The following FSTL4 variants were observed in gnomAD, a reference collection of about 807,000 sequenced individuals.
FSTL4 encodes the protein follistatin-related protein 4.
In FSTL4, 28 loss-of-function variants were observed where a neutral mutation model predicts 78.2. The ratio of observed to expected loss-of-function variants is 0.36; its 90% CI spans 0.27 to 0.49. The LOEUF (loss-of-function observed/expected upper bound fraction) is 0.49, where lower values mean the gene tolerates loss of function less well. Among genes scored for constraint, FSTL4 ranks in the 20% least tolerant of loss-of-function variants. The probability of loss-of-function intolerance (pLI) is 0.98; values close to 1 mark genes in which losing one functional copy is unlikely to be tolerated. For missense variants in FSTL4, 922 were observed against 1,084.9 expected (o/e 0.85, Z 2.11); for synonymous variants, 422 against 440.5 (o/e 0.96, Z 0.53).
chr5:133,797,157 G>C, the FSTL4 span, among the ~76,000 whole-genome samples: 1 of 152,230 alleles, frequency 6.6e-6, no homozygotes, highest in Admixed American at 6.5e-5. Context: ...TCAGATTCCA[G>C]TTTGGTTTTA....
chr5:133,230,528 G>A (rs529201609), intron 8 of FSTL4, among the ~76,000 whole-genome samples: 1 of 152,300 alleles, frequency 6.6e-6, no homozygotes, highest in South Asian at 2.1e-4. Flanking sequence ...CAAAAAGATG[G>A]CTCACATGTG....
At chr5:133,509,754 T>C (rs1164766927) in intron 3 of FSTL4, among the ~76,000 whole-genome samples, 4 of 152,214 alleles carry the variant, frequency 2.6e-5, no homozygotes, top group East Asian at 1.9e-4. Flanking sequence ...CGATAACATA[T>C]GTAAGCAACC....
the FSTL4 span, among the ~76,000 whole-genome samples, chr5:133,658,367 T>A: frequency 6.6e-6 from 1 of 152,182 alleles, no homozygotes; most frequent in African/African-American, 2.4e-5. Flanking sequence ...ATTCCTTGAA[T>A]GTGTTGCTGA....
At chr5:133,824,942 G>A in the FSTL4 span, among the ~76,000 whole-genome samples, 1 of 151,816 alleles carries the variant, frequency 6.6e-6, no homozygotes, top group African/African-American at 2.4e-5. Flanking sequence ...TTCAGAGGGT[G>A]GCTGTGTGTA....
intron 4 of FSTL4, among the ~76,000 whole-genome samples, chr5:133,330,279 G>A (rs917678572): frequency 1.3e-5 from 2 of 152,184 alleles, no homozygotes; most frequent in Non-Finnish European, 2.9e-5. Context: ...CTGAGTCTGG[G>A]TAATTTATAA....
At chr5:133,622,253 G>A in the FSTL4 span, among the ~76,000 whole-genome samples, 1 of 152,166 alleles carries the variant, frequency 6.6e-6, no homozygotes, top group African/African-American at 2.4e-5. Context: ...GTATGACTGA[G>A]TAGTATTCCA....
chr5:133,316,320 G>A, intron 5 of FSTL4, 139 bp downstream of exon 5: 1 of 628,858 alleles, frequency 1.6e-6, no homozygotes, highest in Non-Finnish European at 2.7e-6. Context: ...GGTGGCTGGT[G>A]GGAAGAACCT....
chr5:133,802,814 G>T, the FSTL4 span, among the ~76,000 whole-genome samples: 1 of 152,214 alleles, frequency 6.6e-6, no homozygotes, highest in African/African-American at 2.4e-5. Flanking sequence ...TCACCACAGA[G>T]GTGGGCAGCT....
At chr5:133,701,852 C>T in the FSTL4 span, among the ~76,000 whole-genome samples, 1 of 152,158 alleles carries the variant, frequency 6.6e-6, no homozygotes, top group African/African-American at 2.4e-5. Context: ...CCACAGAGAA[C>T]AGCCAAGAGA....
At chr5:133,530,884 G>C (rs1166665673) in intron 3 of FSTL4, among the ~76,000 whole-genome samples, 2 of 152,184 alleles carry the variant, frequency 1.3e-5, no homozygotes, top group African/African-American at 4.8e-5. Flanking sequence ...GCCCTGAGTG[G>C]GCTCTCCGTG....
intron 8 of FSTL4, among the ~76,000 whole-genome samples, 165 bp downstream of exon 8, chr5:133,233,252 A>C (rs981716898): frequency 2.6e-5 from 4 of 152,180 alleles, no homozygotes; most frequent in Admixed American, 1.3e-4. Context: ...TGGTCAACAG[A>C]CTTTGCCCTT....
At chr5:133,825,958 C>T in the FSTL4 span, among the ~76,000 whole-genome samples, 1 of 152,218 alleles carries the variant, frequency 6.6e-6, no homozygotes, top group African/African-American at 2.4e-5. Context: ...TCCTTGAGGT[C>T]GCCTGCCGGT....
the FSTL4 span, among the ~76,000 whole-genome samples, chr5:133,669,369 C>T: frequency 7.2e-5 from 11 of 152,354 alleles, no homozygotes; most frequent in East Asian, 2.1e-3. Context: ...GGGGCTCATC[C>T]TCCCTGAGCA....
chr5:133,312,567 C>T lies in FSTL4; in HGVS notation c.727+87G>A. The T allele has an allele frequency of 7.1e-6, 9 of 1,263,352 alleles. No individual in the cohort carries two copies. In the South Asian group the frequency reaches 1.2e-4, roughly 16 times the overall value. The allele number at this position is 1,263,352 out of a possible 1,614,324, so 78.3% of individuals were successfully genotyped here. ...TATAAGAAACCAACCTGGGAGACAA[C>T]TGAGGACAGACTCCAGGCACCCAAC... On this transcript the variant is annotated intron_variant, in intron 6 of 15. Transcript: ENST00000265342.
the FSTL4 span, among the ~76,000 whole-genome samples, chr5:133,776,327 G>A: frequency 6.6e-6 from 1 of 152,112 alleles, no homozygotes. Context: ...ATAGCTTAAG[G>A]CCACAGATTC....
At chr5:133,365,903 G>A (rs754423571) in intron 4 of FSTL4, among the ~76,000 whole-genome samples, 6 of 152,174 alleles carry the variant, frequency 3.9e-5, no homozygotes, top group Admixed American at 2.0e-4. Flanking sequence ...CAAGCCTCAC[G>A]ACTGGCAGGG....
At chr5:133,676,441 C>A in the FSTL4 span, among the ~76,000 whole-genome samples, 1 of 152,162 alleles carries the variant, frequency 6.6e-6, no homozygotes, top group Non-Finnish European at 1.5e-5. Context: ...GGGCTTTTTA[C>A]TAATTAGTTT....
chr5:133,456,855 A>G (rs1002431676), intron 3 of FSTL4, among the ~76,000 whole-genome samples: 1 of 152,176 alleles, frequency 6.6e-6, no homozygotes, highest in African/African-American at 2.4e-5. Flanking sequence ...GGGAGCACAC[A>G]CAGCCTGGCT....
intron 3 of FSTL4, among the ~76,000 whole-genome samples, chr5:133,474,993 C>T (rs1262933559): frequency 6.6e-6 from 1 of 152,150 alleles, no homozygotes; most frequent in Admixed American, 6.5e-5. Flanking sequence ...TTCCCAAAGG[C>T]TGTCCTCAGC....
Sources: allele counts gnomAD v4.1 joint callset (sites outside exome capture counted in the v4.1 genomes callset), GRCh38; gene constraint gnomAD v4.1.1; transcripts MANE v1.5; gene names NCBI Gene and HGNC (gene_info 2026-07-23, HGNC 2026-07-21).